PRH1: variants seen among roughly 807,000 people sequenced by gnomAD.
PRH1 encodes proline rich protein HaeIII subfamily 1.
PRH1 carries 7 observed loss-of-function variants against 7.9 expected under a neutral mutation model. That is an observed-to-expected ratio of 0.89 (90% CI 0.50 to 1.67). The LOEUF (loss-of-function observed/expected upper bound fraction) is 1.67. PRH1 is among the 40% of genes most tolerant of loss of function. PRH1 has a pLI of 0.00. For missense variants in PRH1, 109 were observed against 223.6 expected (o/e 0.49, Z 3.27); for synonymous variants, 45 against 80.8 (o/e 0.56, Z 2.38).
intron 1 of PRH1, among the ~76,000 whole-genome samples, chr12:11,012,560 T>C (rs965420902): frequency 3.9e-5 from 6 of 152,116 alleles, no homozygotes; most frequent in African/African-American, 1.4e-4. Flanking sequence ...CAGTGAAAAC[T>C]TCCACTTTTC....
At chr12:11,043,326 C>G (rs1161367498) in intron 1 of PRH1, among the ~76,000 whole-genome samples, 1 of 152,130 alleles carries the variant, frequency 6.6e-6, no homozygotes. Flanking sequence ...GAAAGACCCA[C>G]AACTAGTATC....
At chr12:10,919,591 TTC>T (rs761857759) in intron 2 of PRH1, among the ~76,000 whole-genome samples, 1 of 152,184 alleles carries the variant, frequency 6.6e-6, no homozygotes, top group Non-Finnish European at 1.5e-5. Context: ...AATGTAGTTT[TTC>T]TGTTTGTTGT....
chr12:10,987,683 G>A (rs969238469), intron 1 of PRH1, among the ~76,000 whole-genome samples: 2 of 150,762 alleles, frequency 1.3e-5, no homozygotes. Flanking sequence ...TGAAAACTGA[G>A]GGTTTTCAGA....
rs1159642273 is a variant in PRH1, at chr12:11,001,917, T to C, written c.-125-28196A>G. On this transcript the variant is annotated intron_variant, in intron 1 of 3. Coordinates refer to the PRH1 transcript ENST00000539853. Reference sequence around the variant, plus strand: ...AAAATAAATAAAATAAAACCTTCACTTTAGAAGTAAGAGCTTGATCATGAA... The same window carrying C: ...AAAATAAATAAAATAAAACCTTCACCTTAGAAGTAAGAGCTTGATCATGAA... 2.6e-5 allele frequency among the ~76,000 whole-genome samples: 4 copies of C among 152,148 alleles called. No homozygotes were observed. The South Asian group carries it at 8.3e-4, about 31-fold the overall frequency.
intron 1 of PRH1, among the ~76,000 whole-genome samples, chr12:11,168,788 T>A (rs1947716428): frequency 6.6e-6 from 1 of 152,210 alleles, no homozygotes; most frequent in East Asian, 1.9e-4. Context: ...CCAAAATCAT[T>A]TATTTCCCAA....
At chr12:11,116,690 C>T (rs548887616), downstream of PRH1, among the ~76,000 whole-genome samples, 25 of 152,022 alleles carry the variant, frequency 1.6e-4, no homozygotes, top group South Asian at 5.0e-3. Flanking sequence ...TACTAGTGAA[C>T]CAAATTAAAT....
intron 1 of PRH1, among the ~76,000 whole-genome samples, chr12:11,141,846 G>A (rs917779147): frequency 6.6e-6 from 1 of 152,162 alleles, no homozygotes; most frequent in Non-Finnish European, 1.5e-5. Context: ...GGAGTGCAGT[G>A]GCTTGATTAC....
intron 2 of PRH1, among the ~76,000 whole-genome samples, chr12:10,970,985 CATT>C (rs1938786888): frequency 6.6e-6 from 1 of 152,162 alleles, no homozygotes; most frequent in African/African-American, 2.4e-5. Flanking sequence ...ATTTTATATT[CATT>C]ATTTTACTTT....
intron 1 of PRH1, among the ~76,000 whole-genome samples, chr12:11,094,197 G>A (rs1945017028): frequency 9.3e-6 from 1 of 107,586 alleles, no homozygotes; most frequent in African/African-American, 3.1e-5. Context: ...AGCTACTCAG[G>A]AGGCTGAGGC....
chr12:11,050,552 AGTTTATGGCCAGATTTGGGGGCCT>A (rs1370714513), upstream of PRH1, among the ~76,000 whole-genome samples: 1 of 152,230 alleles, frequency 6.6e-6, no homozygotes, highest in Non-Finnish European at 1.5e-5. Context: ...TACTGGGGCC[AGTTTATGGCCAGATTTGGGGGCCT>A]GTGCCCAACA....
downstream of PRH1, among the ~76,000 whole-genome samples, chr12:11,116,567 T>C (rs1234586639): frequency 6.6e-6 from 1 of 152,044 alleles, no homozygotes; most frequent in East Asian, 1.9e-4. Context: ...ACTTCCAGGC[T>C]CATTCTTGAA....
intron 1 of PRH1, among the ~76,000 whole-genome samples, chr12:11,157,049 TGTTAGCCAGG>T (rs977471509): frequency 6.6e-6 from 1 of 152,064 alleles, no homozygotes; most frequent in Admixed American, 6.5e-5. Context: ...GGTTTCACCA[TGTTAGCCAGG>T]ATGGTCTCGA....
At chr12:10,933,255 T>C (rs1466185101) in intron 2 of PRH1, among the ~76,000 whole-genome samples, 1 of 152,034 alleles carries the variant, frequency 6.6e-6, no homozygotes, top group Non-Finnish European at 1.5e-5. Context: ...AAAATGACCT[T>C]AAAAATATAT....
At chr12:10,891,721 T>C (rs1464047241) in intron 2 of PRH1, 1 of 152,228 alleles carries the variant, frequency 6.6e-6, no homozygotes, top group Non-Finnish European at 1.5e-5. Context: ...GTCAGAGGAA[T>C]ATCATCGTAC....
intron 1 of PRH1, among the ~76,000 whole-genome samples, chr12:11,080,401 T>C (rs1380819993): frequency 4.3e-5 from 5 of 116,848 alleles, no homozygotes; most frequent in Non-Finnish European, 1.0e-4. Context: ...TTTAGGCAGC[T>C]TGTTTTTGAG....
At chr12:11,094,774 AAAAC>A (rs1945037507) in intron 1 of PRH1, among the ~76,000 whole-genome samples, 1 of 115,698 alleles carries the variant, frequency 8.6e-6, no homozygotes, top group Admixed American at 8.7e-5. Flanking sequence ...GAACCAATAC[AAAAC>A]TGGGAAATTC....
At chr12:11,035,331 C>T (rs144516421) in intron 1 of PRH1, among the ~76,000 whole-genome samples, 2 of 152,292 alleles carry the variant, frequency 1.3e-5, no homozygotes, top group African/African-American at 2.4e-5. Context: ...GACCCTCTAG[C>T]CTTATATTTT....
At chr12:10,887,709 A>C (rs1949513338), upstream of PRH1, among the ~76,000 whole-genome samples, 1 of 151,952 alleles carries the variant, frequency 6.6e-6, no homozygotes, top group Admixed American at 6.6e-5. Flanking sequence ...ATCTCTACTA[A>C]AAATACAAAA....
intron 2 of PRH1, among the ~76,000 whole-genome samples, chr12:10,920,134 T>C (rs916029416): frequency 1.3e-5 from 2 of 152,052 alleles, no homozygotes; most frequent in African/African-American, 4.8e-5. Context: ...ACTCAAGTGA[T>C]CTTCCCATCT....
Sources: allele counts gnomAD v4.1 joint callset (sites outside exome capture counted in the v4.1 genomes callset), GRCh38; gene constraint gnomAD v4.1.1; transcripts MANE v1.5; gene names NCBI Gene and HGNC (gene_info 2026-07-23, HGNC 2026-07-21).